The following MICAL1 variants were observed in gnomAD, a reference collection of about 807,000 sequenced individuals.
MICAL1 encodes microtubule associated monooxygenase, calponin and LIM domain containing 1, also known as [F-actin]-monooxygenase MICAL1.
In MICAL1, 95 loss-of-function variants were observed where a neutral mutation model predicts 131.8. The ratio of observed to expected loss-of-function variants is 0.72; its 90% CI spans 0.61 to 0.86. The LOEUF (loss-of-function observed/expected upper bound fraction) is 0.86, where lower values mean the gene tolerates loss of function less well. Among genes scored for constraint, MICAL1 ranks in the 40% least tolerant of loss-of-function variants. The pLI, the probability that MICAL1 is intolerant of heterozygous loss-of-function variation, is 0.00. For synonymous variants in MICAL1, 546 were observed against 554.2 expected (o/e 0.99, Z 0.21); for missense variants, 1,292 against 1,380.6 (o/e 0.94, Z 1.02).
intron 9 of MICAL1, 49 bp downstream of exon 9, chr6:109,449,921 C>T (rs1356497189): frequency 1.9e-6 from 3 of 1,604,134 alleles, no homozygotes; most frequent in Non-Finnish European, 2.6e-6. Context: ...CTTCCTGAAC[C>T]TTGTCACATG....
At chr6:109,452,211 A>G (rs538041768) in intron 6 of MICAL1, 35 bp downstream of exon 6, 2 of 1,591,598 alleles carry the variant, frequency 1.3e-6, no homozygotes, top group South Asian at 2.3e-5. Context: ...ACAGTCAGGC[A>G]GGGGGAGGGG....
intron 6 of MICAL1, chr6:109,451,915 G>GC: frequency 1.4e-6 from 2 of 1,385,570 alleles, no homozygotes; most frequent in East Asian, 5.6e-5. Context: ...GAAGCTTGGA[G>GC]GGGGGTGGCA....
At chr6:109,450,263 C>G in intron 8 of MICAL1, 37 bp downstream of exon 8, 1 of 1,589,616 alleles carries the variant, frequency 6.3e-7, no homozygotes, top group Non-Finnish European at 8.6e-7. Context: ...GCTCCCTCCC[C>G]TAACCATGAA....
At chr6:109,452,728 A>G (rs1372392457) in intron 4 of MICAL1, 113 bp from the exon 5 acceptor site, 1 of 739,568 alleles carries the variant, frequency 1.4e-6, no homozygotes, top group Non-Finnish European at 2.2e-6. Context: ...TGGTTTAGAA[A>G]GCAATGATAT....
In MICAL1 at chr6:109,454,077, T is replaced by A. The variant is rs1490030501; in HGVS notation, c.120A>T (p.Glu40Asp). ...FQELCGALGLEPGGGLPQYHK... is the reference protein window; with the variant it reads ...FQELCGALGLDPGGGLPQYHK... ...GGTACTGGGGCAGCCCCCCACCGGG[T>A]TCCAGCCCCAGGGCCCCACACAGCT... Residue 40 changes from glutamate (E) to aspartate (D), a missense_variant, in exon 2 of 25, where the codon GAA becomes GAT. Physicochemically the swap from Glu to Asp is conservative, Grantham distance 45 (BLOSUM62 2). Coordinates refer to ENST00000358807, the MANE Select transcript of MICAL1 (RefSeq NM_022765.4). The A allele has an allele frequency of 1.9e-5, 30 of 1,613,964 alleles. No homozygotes were observed. Among genetic ancestry groups the A allele is most frequent in the Non-Finnish European group, 2.5e-5 (29 of 1,179,982 alleles).
Position 109,449,857 on chromosome 6 carries a change from C to T in MICAL1, c.1308-74G>A, listed in dbSNP as rs1427820360. 5 of 1,583,002 alleles carry T rather than the reference C, an allele frequency of 3.2e-6. No individual in the cohort carries two copies. The South Asian group carries it at 3.5e-5, about 11-fold the overall frequency. On this transcript the variant is annotated intron_variant, in intron 9 of 24. Coordinates refer to ENST00000358807, the MANE Select transcript of MICAL1 (RefSeq NM_022765.4). Reference sequence around the variant, plus strand: ...TCAGCACCCACCTCTCAGGAACTGCCAGGCCTTTTCTTCTGCCTATTCCTC... The same window carrying T: ...TCAGCACCCACCTCTCAGGAACTGCTAGGCCTTTTCTTCTGCCTATTCCTC...
chr6:109,445,638 T>C (rs1775179601), intron 20 of MICAL1, 109 bp from the exon 21 acceptor site: 1 of 1,501,980 alleles, frequency 6.7e-7, no homozygotes, highest in African/African-American at 1.4e-5. Context: ...TAAGCTCTGG[T>C]AGAAAAGGTA....
intron 24 of MICAL1, 89 bp downstream of exon 24, chr6:109,444,636 G>T: frequency 1.4e-6 from 2 of 1,450,164 alleles, no homozygotes; most frequent in Non-Finnish European, 1.9e-6. Context: ...ACAGACTAGA[G>T]CATCATGTTG....
rs1775572619 is a variant in MICAL1 at position 109,452,259 on chromosome 6, A to G, written c.819T>C (p.Leu273=). Residue 273 remains leucine, a synonymous_variant, in exon 6 of 25, where the codon CTT becomes CTC. Coordinates refer to ENST00000358807, the MANE Select transcript of MICAL1 (RefSeq NM_022765.4). The part of the protein sequence containing the change: ...RIYNQSFFQS[L]LKATGIDLEN... ...AGGGTCCCTGACCTGTGGCTTTGAG[A>G]AGGCTCTGGAAGAAGCTCTGGTTGT... 1 of 1,613,250 alleles carries G rather than the reference A, an allele frequency of 6.2e-7. No homozygotes were observed. The highest frequency in any genetic ancestry group is 8.5e-7 in the Non-Finnish European group (1 of 1,179,418).
chr6:109,453,090 GC>G (rs1367897941), intron 4 of MICAL1, among the ~76,000 whole-genome samples, 172 bp downstream of exon 4: 3 of 152,206 alleles, frequency 2.0e-5, no homozygotes, highest in Non-Finnish European at 4.4e-5. Flanking sequence ...AAACTGGGTG[GC>G]AGAGGTTGCA....
intron 7 of MICAL1, among the ~76,000 whole-genome samples, chr6:109,451,239 C>T (rs574046863): frequency 4.7e-4 from 72 of 151,750 alleles, no homozygotes; most frequent in African/African-American, 1.3e-3. Flanking sequence ...CTGCAACTTC[C>T]GCCTCCCAGG....
chr6:109,448,270 G>A lies in MICAL1; in HGVS notation c.1788C>T (p.Asp596=), dbSNP rs1562289180. The change falls in exon 13 of 25, where the codon GAC becomes GAT. Residue 596 remains aspartate, a synonymous_variant. Transcript: ENST00000358807. The stretch of plus-strand genomic sequence containing the variant: ...TGAGGTAGGCAATGAGGCCCAGTGG[G>A]TCACTCCCTGCTACCACGGCCTGTG... The part of the protein sequence containing the change: ...VSAQAVVAGS[D]PLGLIAYLSH... The A allele has an allele frequency of 6.2e-7, 1 of 1,613,864 alleles. No individual in the cohort carries two copies. The highest frequency in any genetic ancestry group is 8.5e-7 in the Non-Finnish European group (1 of 1,180,006).
chr6:109,445,340 C>T (rs1471695294), intron 21 of MICAL1, 50 bp from the exon 22 acceptor site: 2 of 1,612,792 alleles, frequency 1.2e-6, no homozygotes, highest in South Asian at 1.1e-5. Flanking sequence ...TGCTCAAGAA[C>T]AGAGCACTGG....
intron 1 of MICAL1, chr6:109,463,788 T>C (rs1775965576): frequency 6.6e-6 from 1 of 152,230 alleles, no homozygotes; most frequent in African/African-American, 2.4e-5. Flanking sequence ...GTTGAAATAT[T>C]TGGCAAATGT....
At chr6:109,461,018 C>T (rs1189873452) in intron 1 of MICAL1, among the ~76,000 whole-genome samples, 1 of 152,078 alleles carries the variant, frequency 6.6e-6, no homozygotes, top group East Asian at 1.9e-4. Context: ...ATGCAGGTTA[C>T]ATAGGTATAC....
At position 109,453,979 on chromosome 6, in the gene MICAL1, T is replaced by C. The variant is rs749965951; in HGVS notation, c.218A>G (p.Gln73Arg). The change falls in exon 2 of 25, where the codon CAG (glutamine) becomes CGG (arginine). Residue 73 changes from glutamine to arginine, a missense_variant. Gln to Arg is a conservative substitution (Grantham distance 43). Transcript: ENST00000358807. ...LWTKLDKRAG[Q>R]PVYQQGRACT... The stretch of plus-strand genomic sequence containing the variant: ...GGCCCGGCCCTGCTGGTAGACAGGC[T>C]GGCCTGCTCGCTTGTCCAGCTTGGT... 2.5e-6 allele frequency: 4 copies of C among 1,613,956 alleles called. No homozygotes were observed. Among genetic ancestry groups the C allele is most frequent in the Non-Finnish European group, 3.4e-6 (4 of 1,180,036 alleles).
intron 1 of MICAL1, among the ~76,000 whole-genome samples, chr6:109,461,579 AAAAAAAG>A (rs1775889366): frequency 6.6e-6 from 1 of 152,134 alleles, no homozygotes; most frequent in South Asian, 2.1e-4. Flanking sequence ...GTCTCCACTT[AAAAAAAG>A]AAAAAAGTAT....
intron 1 of MICAL1, among the ~76,000 whole-genome samples, chr6:109,461,333 C>T (rs1489179813): frequency 1.3e-5 from 2 of 152,098 alleles, no homozygotes; most frequent in Non-Finnish European, 2.9e-5. Context: ...TGTATATGTG[C>T]CACATTTTCT....
At chr6:109,455,866 G>A (rs983836634), upstream of MICAL1, 1 of 985,602 alleles carries the variant, frequency 1.0e-6, no homozygotes, top group Non-Finnish European at 1.2e-6. The surrounding 1 kb of genome is among the most constrained non-coding windows in gnomAD (Gnocchi z 4.7). Context: ...CGTGCGCCTG[G>A]AGTCGCGCGG....
Sources: gnomAD v4.1 joint callset for allele counts (sites outside exome capture counted in the v4.1 genomes callset) on GRCh38, gnomAD v4.1.1 for gene constraint, Gnocchi (gnomAD v3.1) non-coding constraint, MANE v1.5 for transcripts, NCBI Gene and HGNC (gene_info 2026-07-23, HGNC 2026-07-21) for gene names.